Variants in NAA11 observed in about 807,000 individuals in gnomAD.
NAA11 encodes the protein N-alpha-acetyltransferase 11.
A neutral mutation model predicts 16.1 loss-of-function variants in NAA11; 15 were observed. The observed-to-expected ratio is 0.93, with a 90% CI of 0.62 to 1.44. The LOEUF (loss-of-function observed/expected upper bound fraction) is 1.44. Ranked by LOEUF, NAA11 falls within the 40% of genes most tolerant of loss-of-function variation. NAA11 has a pLI of 0.00. For synonymous variants in NAA11, 122 were observed against 112.4 expected (o/e 1.09, Z -0.54); for missense variants, 298 against 291.3 (o/e 1.02, Z -0.17).
At chr4:79,189,359 G>A in the NAA11 span, among the ~76,000 whole-genome samples, 937 of 152,092 alleles carry the variant, frequency 6.2e-3, 11 homozygotes, top group African/African-American at 0.022. Flanking sequence ...GTTTCTAAAA[G>A]GGATGGCTAG....
chr4:79,160,865 T>G, the NAA11 span, among the ~76,000 whole-genome samples: 1 of 152,222 alleles, frequency 6.6e-6, no homozygotes, highest in South Asian at 2.1e-4. Context: ...ATTATTTACA[T>G]GAAAATTTAA....
At chr4:79,265,005 A>T (rs1285416479) in intron 2 of NAA11, among the ~76,000 whole-genome samples, 1 of 152,178 alleles carries the variant, frequency 6.6e-6, no homozygotes, top group Non-Finnish European at 1.5e-5. Context: ...TTCTGGACTT[A>T]AAGTGTCTAA....
chr4:79,309,471 T>C (rs1723696334), intron 1 of NAA11, among the ~76,000 whole-genome samples: 1 of 152,158 alleles, frequency 6.6e-6, no homozygotes, highest in Non-Finnish European at 1.5e-5. Context: ...TTGTTTGCTA[T>C]TATATTTGGT....
chr4:79,267,278 A>G (rs1722375395), intron 2 of NAA11, among the ~76,000 whole-genome samples: 2 of 152,240 alleles, frequency 1.3e-5, no homozygotes, highest in Non-Finnish European at 2.9e-5. Flanking sequence ...AATGGATTTC[A>G]GTGGTAGAGA....
the NAA11 span, among the ~76,000 whole-genome samples, chr4:79,214,491 G>T: frequency 6.6e-6 from 1 of 152,066 alleles, no homozygotes; most frequent in Non-Finnish European, 1.5e-5. Flanking sequence ...GTGTGGGAGT[G>T]GGTTTATTAT....
chr4:79,182,872 A>G, the NAA11 span, among the ~76,000 whole-genome samples: 1 of 152,170 alleles, frequency 6.6e-6, no homozygotes, highest in African/African-American at 2.4e-5. Flanking sequence ...GGATTATTTC[A>G]TCTAATCAAT....
chr4:79,220,665 A>G, the NAA11 span, among the ~76,000 whole-genome samples: 2 of 152,212 alleles, frequency 1.3e-5, no homozygotes, highest in South Asian at 2.1e-4. Context: ...TACAACACCA[A>G]TATTGTATCT....
the NAA11 span, among the ~76,000 whole-genome samples, chr4:79,155,510 G>A: frequency 6.6e-6 from 1 of 152,108 alleles, no homozygotes; most frequent in Admixed American, 6.5e-5. Flanking sequence ...GATTATCCAT[G>A]GTCATGGTAG....
rs1392107316 is a variant in NAA11, at chr4:79,325,932, G to A, written c.-55C>T. 5.3e-6 allele frequency: 8 copies of A among 1,507,688 alleles called. No individual in the cohort carries two copies. Among genetic ancestry groups the A allele is most frequent in the Middle Eastern group, 1.8e-4 (1 of 5,548 alleles). 93.4% of individuals were successfully genotyped at this position (1,507,688 alleles called of 1,614,324 possible). On this transcript the variant is annotated 5_prime_UTR_variant, in exon 1 of 2. Transcript: ENST00000286794. Reference sequence around the variant, plus strand: ...TGCAGTGAACCCAGAAGAGGCTGTCGCCGACCTTAAGGGGCACTGTTTGCC... The same window carrying A: ...TGCAGTGAACCCAGAAGAGGCTGTCACCGACCTTAAGGGGCACTGTTTGCC...
intron 2 of NAA11, among the ~76,000 whole-genome samples, chr4:79,250,330 G>A (rs1001548637): frequency 3.3e-5 from 5 of 152,234 alleles, no homozygotes; most frequent in Non-Finnish European, 4.4e-5. Context: ...AGCGGGCCCC[G>A]CTCCCATGGC....
chr4:79,231,372 A>G (rs181983038), intron 2 of NAA11, among the ~76,000 whole-genome samples: 40 of 152,060 alleles, frequency 2.6e-4, no homozygotes, highest in Middle Eastern at 6.8e-3. Context: ...ACTAAAAAGG[A>G]TATTTCAGAG....
chr4:79,294,695 C>G (rs900684435), intron 1 of NAA11, among the ~76,000 whole-genome samples: 1 of 152,098 alleles, frequency 6.6e-6, no homozygotes, highest in East Asian at 1.9e-4. Context: ...AAACATTACT[C>G]TGTATCCTCG....
chr4:79,259,736 G>GAACTTGGT (rs1722207553), intron 2 of NAA11, among the ~76,000 whole-genome samples: 1 of 152,208 alleles, frequency 6.6e-6, no homozygotes, highest in Admixed American at 6.5e-5. Flanking sequence ...TGTAAATACA[G>GAACTTGGT]AACTTGGTAC....
chr4:79,325,602 G>A lies in NAA11; in HGVS notation c.276C>T (p.Asp92=). 1 of 1,614,068 alleles carries A rather than the reference G, an allele frequency of 6.2e-7. No homozygotes were observed. Among genetic ancestry groups the A allele is most frequent in the Non-Finnish European group, 8.5e-7 (1 of 1,179,956 alleles). ...TCTCTATCATGGCCCTGGAGGCCTGGTCCATCAGCTTCTGGGCCAGGCCGA... is the reference window on the plus strand; with the variant it reads ...TCTCTATCATGGCCCTGGAGGCCTGATCCATCAGCTTCTGGGCCAGGCCGA... ...RRLGLAQKLM[D]QASRAMIENF... is the part of the protein sequence containing the mutation. Residue 92 remains aspartate (D), a synonymous_variant, in exon 1 of 2, where the codon GAC becomes GAT. Coordinates refer to ENST00000286794, the MANE Select transcript of NAA11 (RefSeq NM_032693.3).
At chr4:79,228,128 G>A (rs6821709) in intron 2 of NAA11, among the ~76,000 whole-genome samples, 18,009 of 151,874 alleles carry the variant, frequency 0.12, 1,295 homozygotes, top group African/African-American at 0.19. Flanking sequence ...CTGGCTGGCT[G>A]CCCTCTCATT....
At chr4:79,309,256 A>C (rs919967711) in intron 1 of NAA11, among the ~76,000 whole-genome samples, 1 of 152,140 alleles carries the variant, frequency 6.6e-6, no homozygotes, top group Admixed American at 6.5e-5. Flanking sequence ...TTATTTTTTT[A>C]ACAGACAAAA....
intron 1 of NAA11, among the ~76,000 whole-genome samples, chr4:79,320,199 G>A (rs570674981): frequency 1.8e-4 from 27 of 152,272 alleles, no homozygotes; most frequent in South Asian, 1.0e-3. Context: ...GTTGACAAGC[G>A]TTGATTCAGC....
chr4:79,193,466 CATTT>C, the NAA11 span, among the ~76,000 whole-genome samples: 2 of 152,134 alleles, frequency 1.3e-5, no homozygotes, highest in Non-Finnish European at 2.9e-5. Context: ...TTCCCAGCAC[CATTT>C]ATTAAATAGG....
chr4:79,289,811 C>T (rs1302261205), intron 2 of NAA11, among the ~76,000 whole-genome samples: 2 of 152,106 alleles, frequency 1.3e-5, no homozygotes, highest in South Asian at 2.1e-4. Context: ...TTTGGTATTA[C>T]GATTGAAGAT....
Sources: allele counts gnomAD v4.1 joint callset (sites outside exome capture counted in the v4.1 genomes callset), GRCh38; gene constraint gnomAD v4.1.1; transcripts MANE v1.5; gene names NCBI Gene and HGNC (gene_info 2026-07-23, HGNC 2026-07-21).